The following RPL6 variants were observed in gnomAD, a reference collection of about 807,000 sequenced individuals.
RPL6 encodes ribosomal protein L6.
A neutral mutation model predicts 32.1 loss-of-function variants in RPL6; 1 was observed. The ratio of observed to expected loss-of-function variants is 0.03; its 90% CI spans 0.01 to 0.15. RPL6 has a LOEUF of 0.15. Ranked by LOEUF, RPL6 falls within the 10% of genes least tolerant of loss-of-function variation. The pLI, the probability that RPL6 is intolerant of heterozygous loss-of-function variation, is 1.00. For missense variants in RPL6, 275 were observed against 354.6 expected, an observed-to-expected ratio of 0.78 and a Z score of 1.80; for synonymous variants, 126 against 131.6, an observed-to-expected ratio of 0.96 and a Z score of 0.29.
At chr12:112,406,450 A>G in intron 4 of RPL6, 108 bp from the exon 5 acceptor site, 3 of 989,072 alleles carry the variant, frequency 3.0e-6, no homozygotes, top group South Asian at 2.9e-5. Flanking sequence ...CTACATGTAT[A>G]TGTATACAGC....
At chr12:112,412,861 T>C (rs2135808935), upstream of RPL6, among the ~76,000 whole-genome samples, 1 of 151,742 alleles carries the variant, frequency 6.6e-6, no homozygotes, top group African/African-American at 2.4e-5. Flanking sequence ...GAGGCAGAGG[T>C]TGCAGTGAGC....
intron 2 of RPL6, 29 bp from the exon 3 acceptor site, chr12:112,408,367 A>G (rs1384213652): frequency 1.2e-6 from 2 of 1,613,190 alleles, no homozygotes; most frequent in African/African-American, 1.3e-5. Flanking sequence ...ATCAACAGTA[A>G]GAGAATGCCA....
At chr12:112,409,265 C>G (rs2037283942) in intron 1 of RPL6, 1 of 388,138 alleles carries the variant, frequency 2.6e-6, no homozygotes, top group Non-Finnish European at 4.5e-6. Flanking sequence ...CCTCTGGAAC[C>G]CAGGACCAGG....
chr12:112,409,153 G>T (rs1477048987), intron 1 of RPL6: 3 of 284,988 alleles, frequency 1.1e-5, no homozygotes, highest in African/African-American at 4.3e-5. Context: ...GAAAAAGATC[G>T]CAAAGACCAA....
chr12:112,406,427 G>A (rs2037171205), intron 4 of RPL6, 85 bp from the exon 5 acceptor site: 2 of 1,266,846 alleles, frequency 1.6e-6, no homozygotes, highest in Admixed American at 1.9e-5. Flanking sequence ...CTAAATTTGG[G>A]TAAAGGAAAT....
chr12:112,415,820 G>A (rs1343000759), intron 1 of RPL6, among the ~76,000 whole-genome samples: 1 of 150,614 alleles, frequency 6.6e-6, no homozygotes. Context: ...CCACCTAGGA[G>A]TCCCAAAACA....
At chr12:112,409,166 G>C (rs551005835) in intron 1 of RPL6, 1 of 311,006 alleles carries the variant, frequency 3.2e-6, no homozygotes, top group East Asian at 5.3e-5. Context: ...AAGACCAAGA[G>C]GCGACTTCCG....
intron 3 of RPL6, 75 bp from the exon 4 acceptor site, chr12:112,406,965 CT>C (rs1219157141): frequency 1.4e-6 from 2 of 1,479,904 alleles, no homozygotes; most frequent in Admixed American, 3.8e-5. Flanking sequence ...GTCAGCCAAA[CT>C]TTTGCTACAG....
intron 1 of RPL6, 190 bp downstream of exon 1, chr12:112,409,397 G>A (rs2037290723): frequency 5.0e-6 from 2 of 398,222 alleles, no homozygotes; most frequent in Non-Finnish European, 8.9e-6. Flanking sequence ...AGCCACTACG[G>A]CATTCTACCT....
intron 3 of RPL6, chr12:112,407,830 C>G (rs575834421): frequency 5.8e-6 from 1 of 171,150 alleles, no homozygotes; most frequent in African/African-American, 2.4e-5. Flanking sequence ...CGGGTTCAAG[C>G]GATTCTTCTG....
At chr12:112,405,405 A>C in intron 6 of RPL6, 29 bp from the exon 7 acceptor site, 1 of 1,608,210 alleles carries the variant, frequency 6.2e-7, no homozygotes, top group Non-Finnish European at 8.5e-7. Context: ...AAACATTTTA[A>C]AACAGGCACA....
At chr12:112,406,953 A>G (rs1211833895) in intron 3 of RPL6, 63 bp from the exon 4 acceptor site, 3 of 1,563,690 alleles carry the variant, frequency 1.9e-6, no homozygotes, top group South Asian at 2.3e-5. Flanking sequence ...GAAGCAAGCT[A>G]TGTCAGCCAA....
chr12:112,405,388 G>T lies in RPL6; in HGVS notation c.715-12C>A, dbSNP rs1168803365. 1.9e-6 allele frequency: 3 copies of T among 1,608,876 alleles called. No homozygotes were observed. The highest frequency in any genetic ancestry group is 1.7e-6 in the Non-Finnish European group (2 of 1,178,936). ...GTAATCTCATATTTCTAAATAAAGAGAAAATCAAACATTTTAAAACAGGCA... is the reference window on the plus strand; with the variant it reads ...GTAATCTCATATTTCTAAATAAAGATAAAATCAAACATTTTAAAACAGGCA... On this transcript the variant is annotated splice_polypyrimidine_tract_variant and intron_variant, in intron 6 of 6. Coordinates refer to ENST00000202773, the MANE Select transcript of RPL6 (RefSeq NM_000970.6).
intron 1 of RPL6, chr12:112,418,348 A>T: frequency 6.5e-6 from 1 of 154,194 alleles, no homozygotes. Context: ...ATCACGACTC[A>T]CTGCAGCCCC....
chr12:112,412,331 G>A (rs893909750), upstream of RPL6, among the ~76,000 whole-genome samples: 7 of 152,038 alleles, frequency 4.6e-5, no homozygotes, highest in Non-Finnish European at 7.4e-5. Context: ...GAGCCACCTT[G>A]CCCGGCCAAT....
upstream of RPL6, among the ~76,000 whole-genome samples, chr12:112,412,879 G>T (rs944536808): frequency 2.0e-5 from 3 of 151,846 alleles, no homozygotes; most frequent in Non-Finnish European, 4.4e-5. Flanking sequence ...AGCCGAGATT[G>T]TGCCACTGCA....
At chr12:112,414,685 C>T (rs1312438284), upstream of RPL6, among the ~76,000 whole-genome samples, 3 of 151,994 alleles carry the variant, frequency 2.0e-5, no homozygotes, top group Non-Finnish European at 4.4e-5. Context: ...GGGTGGATCA[C>T]GAGGTCAGGA....
intron 3 of RPL6, chr12:112,408,039 A>G (rs12579123): frequency 1.7e-6 from 1 of 581,598 alleles, no homozygotes; most frequent in African/African-American, 1.9e-5. Flanking sequence ...TATTATATGC[A>G]AAGGAACAAA....
At chr12:112,415,589 G>A (rs1222076847) in intron 1 of RPL6, among the ~76,000 whole-genome samples, 1 of 152,030 alleles carries the variant, frequency 6.6e-6, no homozygotes, top group Non-Finnish European at 1.5e-5. Flanking sequence ...GGTTGTGCGT[G>A]CCTGTAATCC....
Sources: gnomAD v4.1 joint callset for allele counts (sites outside exome capture counted in the v4.1 genomes callset) on GRCh38, gnomAD v4.1.1 for gene constraint, MANE v1.5 for transcripts, NCBI Gene and HGNC (gene_info 2026-07-23, HGNC 2026-07-21) for gene names.